CES5A: variants seen among roughly 807,000 people sequenced by gnomAD.
The protein encoded by CES5A is carboxylesterase 5A.
A neutral mutation model predicts 62.9 loss-of-function variants in CES5A; 67 were observed. That is an observed-to-expected ratio of 1.07 (90% CI 0.88 to 1.31). The LOEUF is 1.31. CES5A is among the 50% of genes most tolerant of loss of function. The pLI, the probability that CES5A is intolerant of heterozygous loss-of-function variation, is 0.00. For missense variants in CES5A, 748 were observed against 708.5 expected (o/e 1.06, Z -0.63); for synonymous variants, 296 against 280.8 (o/e 1.05, Z -0.54).
intron 1 of CES5A, among the ~76,000 whole-genome samples, chr16:55,889,382 T>G (rs1432725127): frequency 1.3e-5 from 2 of 152,196 alleles, no homozygotes; most frequent in African/African-American, 4.8e-5. Flanking sequence ...TAGTAGGTTG[T>G]GACTCTTACC....
In CES5A at chr16:55,917,881, C is replaced by A. The variant is rs137861045; in HGVS notation, c.-256+7442G>T. Among the ~76,000 whole-genome samples the A allele has an allele frequency of 1.0e-3, 154 of 152,302 alleles. 2 individuals carry two copies. The highest frequency in any genetic ancestry group is 3.6e-3 in the African/African-American group (148 of 41,564). ...TTTTCCCCATCCCAAACTTCTCCCT[C>A]AAGTTTTTCCTATCTTAAGAAATAA... On this transcript the variant is annotated intron_variant, in intron 1 of 12. Transcript: ENST00000518005.
intron 2 of CES5A, among the ~76,000 whole-genome samples, chr16:55,937,032 T>C (rs2034384294): frequency 6.6e-6 from 1 of 152,134 alleles, no homozygotes; most frequent in Non-Finnish European, 1.5e-5. Flanking sequence ...AGATACATGA[T>C]ACTATCACGA....
rs1189598064 is a variant in CES5A at position 55,897,061 on chromosome 16, T to TC, written c.-255-23025dup. On this transcript the variant is annotated intron_variant, in intron 1 of 12. Transcript: ENST00000518005. ...TAACCCTCATTCCCCCATCCCCGCA[T>TC]CCCCCCCATCCTCTACCTCAGGGCC... is the stretch of plus-strand genomic sequence containing the variant. Among the ~76,000 whole-genome samples, 6 of 149,368 alleles carry TC rather than the reference T, an allele frequency of 4.0e-5. No individual in the cohort carries two copies. In the East Asian group the frequency reaches 6.1e-4, roughly 15 times the overall value.
intron 1 of CES5A, among the ~76,000 whole-genome samples, chr16:55,904,837 G>C (rs2034024054): frequency 6.6e-6 from 1 of 152,090 alleles, no homozygotes; most frequent in South Asian, 2.1e-4. Context: ...CAAGCCAGGG[G>C]TCAGCACCCC....
intron 7 of CES5A, among the ~76,000 whole-genome samples, chr16:55,860,067 G>A (rs1444733102): frequency 2.0e-5 from 3 of 152,126 alleles, no homozygotes; most frequent in Admixed American, 2.0e-4. Context: ...GAATCATGGG[G>A]GCAGGTCTTT....
At chr16:55,946,564 A>G (rs1162806242) in intron 2 of CES5A, among the ~76,000 whole-genome samples, 6 of 152,196 alleles carry the variant, frequency 3.9e-5, no homozygotes, top group Admixed American at 3.9e-4. Flanking sequence ...AACCTGAAAC[A>G]TACCTGAAAT....
rs148174518 is a variant in CES5A, at chr16:55,942,066, A to G, written c.160+7719T>C. ...CTTCAACTCTATCTTCATTCCATAC[A>G]CAAACATAAATTAAGACAGATCATA... On this transcript the variant is annotated intron_variant, in intron 2 of 13. Coordinates refer to the CES5A transcript ENST00000521992. 3.4e-3 allele frequency among the ~76,000 whole-genome samples: 522 copies of G among 152,310 alleles called. 4 individuals are homozygous for G. The highest frequency in any genetic ancestry group is 0.012 in the African/African-American group (482 of 41,588).
chr16:55,863,585 T>C (rs1597119043), intron 5 of CES5A, 133 bp from the exon 6 acceptor site: 1 of 628,380 alleles, frequency 1.6e-6, no homozygotes, highest in Non-Finnish European at 2.9e-6. Context: ...AAAGCCCTGG[T>C]TTAGGGGTTA....
upstream of CES5A, among the ~76,000 whole-genome samples, chr16:55,927,613 A>C (rs1443650647): frequency 6.6e-6 from 1 of 152,192 alleles, no homozygotes; most frequent in African/African-American, 2.4e-5. Flanking sequence ...CAAGTCAAAA[A>C]TCAATAGATG....
intron 1 of CES5A, among the ~76,000 whole-genome samples, chr16:55,891,958 A>G (rs564442510): frequency 6.6e-6 from 1 of 152,308 alleles, no homozygotes; most frequent in East Asian, 1.9e-4. Context: ...TGTGGGGGGA[A>G]ATTTACGTCT....
chr16:55,904,909 CA>C (rs1256035698), intron 1 of CES5A, among the ~76,000 whole-genome samples: 1 of 152,164 alleles, frequency 6.6e-6, no homozygotes, highest in African/African-American at 2.4e-5. Context: ...CACAGAGTGT[CA>C]ACTTCTCTTG....
At chr16:55,908,588 G>T (rs1412298820) in intron 1 of CES5A, among the ~76,000 whole-genome samples, 1 of 152,148 alleles carries the variant, frequency 6.6e-6, no homozygotes, top group African/African-American at 2.4e-5. Context: ...TCGAACTCCT[G>T]ACCTCACGTG....
intron 1 of CES5A, among the ~76,000 whole-genome samples, chr16:55,899,110 C>G (rs2033963646): frequency 6.6e-6 from 1 of 152,152 alleles, no homozygotes; most frequent in South Asian, 2.1e-4. Flanking sequence ...AAAGCATGCA[C>G]CTGGCCTACC....
chr16:55,933,923 C>T (rs1175555762), intron 2 of CES5A, among the ~76,000 whole-genome samples: 1 of 152,160 alleles, frequency 6.6e-6, no homozygotes, highest in Non-Finnish European at 1.5e-5. Flanking sequence ...CCACCTCCTC[C>T]TATCATCTCC....
chr16:55,881,613 G>A (rs1316278248), intron 1 of CES5A, among the ~76,000 whole-genome samples: 1 of 152,166 alleles, frequency 6.6e-6, no homozygotes, highest in Non-Finnish European at 1.5e-5. Flanking sequence ...AATTCGAATG[G>A]CCAAGTATTG....
intron 2 of CES5A, among the ~76,000 whole-genome samples, chr16:55,939,733 C>T (rs1426027232): frequency 6.6e-6 from 1 of 151,584 alleles, no homozygotes; most frequent in Non-Finnish European, 1.5e-5. Context: ...TTTTCAAGTG[C>T]ATATTAAATA....
intron 6 of CES5A, among the ~76,000 whole-genome samples, chr16:55,863,057 G>A (rs750515287): frequency 6.6e-6 from 1 of 152,208 alleles, no homozygotes; most frequent in Non-Finnish European, 1.5e-5. Flanking sequence ...GAACTGTATA[G>A]AATACAGGGG....
intron 4 of CES5A, chr16:55,869,371 C>T (rs1209549459): frequency 1.8e-6 from 1 of 552,674 alleles, no homozygotes; most frequent in Non-Finnish European, 2.7e-6. Context: ...GGAAGAATGT[C>T]TGCCGATCAG....
chr16:55,872,909 C>G (rs923758101), intron 2 of CES5A, among the ~76,000 whole-genome samples: 1 of 152,300 alleles, frequency 6.6e-6, no homozygotes, highest in East Asian at 1.9e-4. Flanking sequence ...ACCCCTGCGG[C>G]GTCCCCAAGC....
Sources: gnomAD v4.1 joint callset for allele counts (sites outside exome capture counted in the v4.1 genomes callset) on GRCh38, gnomAD v4.1.1 for gene constraint, MANE v1.5 for transcripts, NCBI Gene and HGNC (gene_info 2026-07-23, HGNC 2026-07-21) for gene names.